The following TTC38 variants were observed in gnomAD, a reference collection of about 807,000 sequenced individuals.
TTC38 encodes tetratricopeptide repeat domain 38.
A neutral mutation model predicts 64.2 loss-of-function variants in TTC38; 64 were observed. The ratio of observed to expected loss-of-function variants is 1.00; its 90% CI spans 0.81 to 1.23. The LOEUF is 1.23. Among genes scored for constraint, TTC38 ranks in the 50% most tolerant of loss-of-function variants. The probability of loss-of-function intolerance (pLI) is 0.00; values close to 1 mark genes in which losing one functional copy is unlikely to be tolerated. For missense variants in TTC38, 573 were observed against 615.5 expected (o/e 0.93, Z 0.73); for synonymous variants, 254 against 249.3 (o/e 1.02, Z -0.18).
chr22:46,281,845 C>G lies in TTC38; in HGVS notation c.735+127C>G. The G allele has an allele frequency of 8.0e-7, 1 of 1,251,930 alleles. No individual in the cohort carries two copies. Among genetic ancestry groups the G allele is most frequent in the Non-Finnish European group, 1.1e-6 (1 of 875,888 alleles). The allele number at this position is 1,251,930 out of a possible 1,614,324, so 77.6% of individuals were successfully genotyped here. A position where few individuals can be genotyped will look rare whatever the true frequency, so the allele number is the denominator to read the frequency against. On this transcript the variant is annotated intron_variant, in intron 7 of 13. Transcript: ENST00000381031. This position sits in a 1 kb window ranked among gnomAD's most constrained non-coding sequence, Gnocchi z 5.2. ...CTCGGGGTTCCCTCTCCTCCTCCACCTGCACCTGCCTCAGGTGTTTGGCTG... is the reference window on the plus strand; with the variant it reads ...CTCGGGGTTCCCTCTCCTCCTCCACGTGCACCTGCCTCAGGTGTTTGGCTG...
At chr22:46,268,219 G>C (rs1003999364) in intron 1 of TTC38, 147 bp downstream of exon 1, 1 of 923,118 alleles carries the variant, frequency 1.1e-6, no homozygotes, top group African/African-American at 1.7e-5. Flanking sequence ...GCAACGCCTG[G>C]AAGGGACCCG....
Position 46,291,550 on chromosome 22 carries a change from C to T in TTC38, c.1317-1241C>T, listed in dbSNP as rs952474133. 1.3e-5 allele frequency among the ~76,000 whole-genome samples: 2 copies of T among 152,178 alleles called. No individual in the cohort carries two copies. Among genetic ancestry groups the T allele is most frequent in the African/African-American group, 4.8e-5 (2 of 41,438 alleles). On this transcript the variant is annotated intron_variant, in intron 13 of 13. Transcript: ENST00000381031. This position sits in a 1 kb window ranked among gnomAD's most constrained non-coding sequence, Gnocchi z 4.6. ...ACCTTCCACCCACAGCCATGGTGCC[C>T]CCCACAATGAGTTCCCGGCCCCAGC...
chr22:46,272,462 C>A lies in TTC38; in HGVS notation c.193+46C>A. ...GTGGAGGAGCCCCGCTTCACACATC[C>A]AGCCCCTCTCTTTCCTTTACCACAG... On this transcript the variant is annotated intron_variant, in intron 3 of 13. Coordinates refer to ENST00000381031, the MANE Select transcript of TTC38 (RefSeq NM_017931.4). The surrounding 1 kb of genome is among the most constrained non-coding windows in gnomAD (Gnocchi z 6.4). 1 of 1,489,376 alleles carries A rather than the reference C, an allele frequency of 6.7e-7. No homozygotes were observed. Among genetic ancestry groups the A allele is most frequent in the Non-Finnish European group, 9.4e-7 (1 of 1,068,526 alleles). The allele number at this position is 1,489,376 out of a possible 1,614,324, so 92.3% of individuals were successfully genotyped here. A position where few individuals can be genotyped will look rare whatever the true frequency, so the allele number is the denominator to read the frequency against.
At chr22:46,288,384 C>T (rs200504274) in intron 10 of TTC38, 39 bp from the exon 11 acceptor site, 89 of 1,593,826 alleles carry the variant, frequency 5.6e-5, no homozygotes, top group Non-Finnish European at 7.3e-5. Context: ...TGCCCCAGAG[C>T]CTCACTCCAG....
rs1158589271 is a variant in TTC38 at position 46,282,678 on chromosome 22, C to T, written c.735+960C>T. 6.6e-6 allele frequency among the ~76,000 whole-genome samples: 1 copy of T among 152,166 alleles called. No individual in the cohort carries two copies. The highest frequency in any genetic ancestry group is 2.4e-5 in the African/African-American group (1 of 41,424). ...AGTGGTCAGGTTCCCTTCTCAGGGA[C>T]ACTGAGGTTTGTTTGAGGTTTCTGA... On this transcript the variant is annotated intron_variant, in intron 7 of 13. Transcript: ENST00000381031. This position sits in a 1 kb window ranked among gnomAD's most constrained non-coding sequence, Gnocchi z 4.4.
intron 1 of TTC38, 138 bp from the exon 2 acceptor site, chr22:46,268,376 C>A: frequency 2.2e-6 from 2 of 927,870 alleles, no homozygotes; most frequent in Admixed American, 2.5e-5. Flanking sequence ...CTCCTTGGAA[C>A]CGGCCCAGGA....
At position 46,274,124 on chromosome 22, in the gene TTC38, G is replaced by A; in HGVS notation, c.365+55G>A. 6.5e-7 allele frequency: 1 copy of A among 1,545,700 alleles called. No homozygotes were observed. The highest frequency in any genetic ancestry group is 8.9e-7 in the Non-Finnish European group (1 of 1,125,426). ...CACCCTGAGGCTGAGCTGGGGGAGT[G>A]GCAGGGTATCCCTTTCCTGATGCCC... On this transcript the variant is annotated intron_variant, in intron 4 of 13. Transcript: ENST00000381031. This position sits in a 1 kb window ranked among gnomAD's most constrained non-coding sequence, Gnocchi z 4.8.
rs534143532 is a variant in TTC38, at chr22:46,271,223, T to C, written c.112-1112T>C. Among the ~76,000 whole-genome samples the C allele has an allele frequency of 1.3e-5, 2 of 152,240 alleles. No individual in the cohort carries two copies. Among genetic ancestry groups the C allele is most frequent in the South Asian group, 4.2e-4 (2 of 4,816 alleles). ...GGTCACCTGTCAGGAGGAACCTGCC[T>C]TTTCTTTCTTTTCTTTTTTCTTTTT... On this transcript the variant is annotated intron_variant, in intron 2 of 13. Transcript: ENST00000381031. The surrounding 1 kb of genome is among the most constrained non-coding windows in gnomAD (Gnocchi z 5.5).
chr22:46,281,672 T>A lies in TTC38; in HGVS notation c.689T>A (p.Ile230Asn). ...CACATCCACGAGATGAAAGCAGAGA[T>A]CAAGGATGGGTTGGAATTCATGCAG... The part of the protein sequence containing the change: ...VAHIHEMKAE[I>N]KDGLEFMQHS... The change falls in exon 7 of 14, where the codon ATC (isoleucine) becomes AAC (asparagine). Residue 230 changes from isoleucine to asparagine, a missense_variant. Physicochemically the swap from Ile to Asn is moderately radical, Grantham distance 149. Around this residue, in one of 3 missense-constraint regions of TTC38, gnomAD observed 371 missense variants for 381.8 expected, o/e 0.97. Coordinates refer to ENST00000381031, the MANE Select transcript of TTC38 (RefSeq NM_017931.4). The surrounding 1 kb of genome is among the most constrained non-coding windows in gnomAD (Gnocchi z 5.2). 1 of 1,614,102 alleles carries A rather than the reference T, an allele frequency of 6.2e-7. No homozygotes were observed.
chr22:46,285,317 A>G (rs762661966), intron 9 of TTC38, 38 bp downstream of exon 9: 4 of 1,611,178 alleles, frequency 2.5e-6, no homozygotes, highest in Non-Finnish European at 3.4e-6. Flanking sequence ...TTGTTGCAGC[A>G]TTTTGCCTTT....
At position 46,275,857 on chromosome 22, in the gene TTC38, T is replaced by G. The variant is rs1292294525; in HGVS notation, c.539+436T>G. The stretch of plus-strand genomic sequence containing the variant: ...CAAGCTTTCCTTGGGGGGCTTACAA[T>G]GGCAATTAAAGGTTTAGAATGAAAG... On this transcript the variant is annotated intron_variant, in intron 5 of 13. Transcript: ENST00000381031. This position sits in a 1 kb window ranked among gnomAD's most constrained non-coding sequence, Gnocchi z 4.5. 6.6e-6 allele frequency among the ~76,000 whole-genome samples: 1 copy of G among 152,128 alleles called. No individual in the cohort carries two copies. Among genetic ancestry groups the G allele is most frequent in the Non-Finnish European group, 1.5e-5 (1 of 68,030 alleles).
At position 46,283,045 on chromosome 22, in the gene TTC38, C is replaced by T. The variant is rs186150214; in HGVS notation, c.736-928C>T. Among the ~76,000 whole-genome samples, 8 of 152,318 alleles carry T rather than the reference C, an allele frequency of 5.3e-5. No homozygotes were observed. The East Asian group carries it at 5.8e-4, about 11-fold the overall frequency. On this transcript the variant is annotated intron_variant, in intron 7 of 13. Transcript: ENST00000381031. ...CTGGGCTCAAGCGATCCTTCCACCT[C>T]GGCCTCCCAAATAGCAGGGACTACT...
intron 2 of TTC38, among the ~76,000 whole-genome samples, chr22:46,269,722 G>A (rs1936852229): frequency 6.6e-6 from 1 of 152,212 alleles, no homozygotes; most frequent in African/African-American, 2.4e-5. Context: ...GGGCATCTGA[G>A]TTGTTTGTTT....
intron 9 of TTC38, among the ~76,000 whole-genome samples, chr22:46,285,955 C>T (rs2077568478): frequency 6.9e-6 from 1 of 144,290 alleles, no homozygotes; most frequent in Admixed American, 7.2e-5. Context: ...GCAGAGGTTA[C>T]AGTGAGCCAA....
At chr22:46,279,293 T>C (rs527453727) in intron 6 of TTC38, among the ~76,000 whole-genome samples, 25 of 152,274 alleles carry the variant, frequency 1.6e-4, no homozygotes, top group Non-Finnish European at 2.6e-4. Context: ...CTGAGGCCCA[T>C]GGAGGGGCTG....
chr22:46,284,122 C>A, intron 8 of TTC38, 90 bp downstream of exon 8: 1 of 1,070,888 alleles, frequency 9.3e-7, no homozygotes, highest in Non-Finnish European at 1.4e-6. Context: ...TATTCACATC[C>A]GTTGGAGCCC....
In TTC38 at chr22:46,281,926, A is replaced by G. The variant is rs2077537987; in HGVS notation, c.735+208A>G. ...CCACCCCAGGCCCATACCTTGCCCT[A>G]GGGACTCCACTGAGGGTCCAGCCCA... On this transcript the variant is annotated intron_variant, in intron 7 of 13. Transcript: ENST00000381031. The surrounding 1 kb of genome is among the most constrained non-coding windows in gnomAD (Gnocchi z 5.2). 2 of 701,748 alleles carry G rather than the reference A, an allele frequency of 2.9e-6. No individual in the cohort carries two copies. The highest frequency in any genetic ancestry group is 5.1e-6 in the Non-Finnish European group (2 of 392,988). The allele number at this position is 701,748 out of a possible 1,614,324, so 43.5% of individuals were successfully genotyped here. A position where few individuals can be genotyped will look rare whatever the true frequency, so the allele number is the denominator to read the frequency against.
chr22:46,292,701 G>A lies in TTC38; in HGVS notation c.1317-90G>A. ...TTCCCTCAGTGCCGCAGTCTAGCCT[G>A]CCTGTGTTCTGCCTTGGGACCAAGG... On this transcript the variant is annotated intron_variant, in intron 13 of 13. Coordinates refer to ENST00000381031, the MANE Select transcript of TTC38 (RefSeq NM_017931.4). This position sits in a 1 kb window ranked among gnomAD's most constrained non-coding sequence, Gnocchi z 6.5. 8.5e-7 allele frequency: 1 copy of A among 1,180,674 alleles called. No homozygotes were observed. The highest frequency in any genetic ancestry group is 2.4e-5 in the East Asian group (1 of 42,208). 73.1% of individuals were successfully genotyped at this position (1,180,674 alleles called of 1,614,324 possible). A position where few individuals can be genotyped will look rare whatever the true frequency, so the allele number is the denominator to read the frequency against.
At chr22:46,285,810 C>A (rs191208224) in intron 9 of TTC38, among the ~76,000 whole-genome samples, 64 of 151,932 alleles carry the variant, frequency 4.2e-4, no homozygotes, top group Admixed American at 1.4e-3. Context: ...GTCAGGAGTT[C>A]AAGACCAGCC....
Sources: allele counts gnomAD v4.1 joint callset (sites outside exome capture counted in the v4.1 genomes callset), GRCh38; gene constraint gnomAD v4.1.1; regional missense constraint gnomAD v4.1.1; non-coding constraint Gnocchi (gnomAD v3.1); transcripts MANE v1.5; gene names NCBI Gene and HGNC (gene_info 2026-07-23, HGNC 2026-07-21).